The following QKI variants were observed in gnomAD, a reference collection of about 807,000 sequenced individuals.
The protein encoded by QKI is QKI, KH domain containing RNA binding, also known as KH domain-containing RNA-binding protein QKI.
In QKI, 10 loss-of-function variants were observed where a neutral mutation model predicts 39.0. That is an observed-to-expected ratio of 0.26 (90% CI 0.16 to 0.43). QKI has a LOEUF of 0.43. QKI is among the 20% of genes least tolerant of loss of function. QKI has a pLI of 1.00. For missense variants in QKI, 218 were observed against 428.0 expected, an observed-to-expected ratio of 0.51 and a Z score of 4.33; for synonymous variants, 204 against 155.4, an observed-to-expected ratio of 1.31 and a Z score of -2.33.
intron 4 of QKI, among the ~76,000 whole-genome samples, chr6:163,555,687 C>T (rs79067492): frequency 0.043 from 6,563 of 152,158 alleles, 166 homozygotes; most frequent in African/African-American, 0.073. Flanking sequence ...CAAGGTTGCT[C>T]ATGTAAACTG....
chr6:163,424,684 C>G (rs1788273829), intron 1 of QKI, among the ~76,000 whole-genome samples: 1 of 150,892 alleles, frequency 6.6e-6, no homozygotes, highest in East Asian at 1.9e-4. Flanking sequence ...TTCTCTGTTG[C>G]CAAAGCACTG....
At chr6:163,535,931 C>CA (rs973782864) in intron 4 of QKI, among the ~76,000 whole-genome samples, 2 of 151,516 alleles carry the variant, frequency 1.3e-5, no homozygotes, top group Non-Finnish European at 2.9e-5. Flanking sequence ...GACCCTGTCT[C>CA]AAAAAAGAAA....
chr6:163,449,625 A>G (rs1287606352), intron 1 of QKI, among the ~76,000 whole-genome samples: 1 of 152,068 alleles, frequency 6.6e-6, no homozygotes, highest in Admixed American at 6.5e-5. Context: ...TTGGCTTTGA[A>G]TTTTACTTTT....
In QKI at chr6:163,570,774, T is replaced by C; in HGVS notation, c.*64T>C. ...TGACCTGACCATGCCTGCCTGCTGA[T>C]CAGTTAACTGGTAATCGCCTTTGCT... is the stretch of plus-strand genomic sequence containing the variant. On this transcript the variant is annotated 3_prime_UTR_variant, in exon 8 of 8. Transcript: ENST00000361752. The C allele has an allele frequency of 1.3e-6, 2 of 1,598,192 alleles. No individual in the cohort carries two copies. Among genetic ancestry groups the C allele is most frequent in the Non-Finnish European group, 1.7e-6 (2 of 1,170,572 alleles).
chr6:163,570,605 C>T (rs1783647708), intron 7 of QKI, 89 bp from the exon 8 acceptor site: 3 of 1,575,034 alleles, frequency 1.9e-6, no homozygotes, highest in East Asian at 2.3e-5. Flanking sequence ...TTCATGTTGT[C>T]ATTAAGCCGT....
intron 3 of QKI, among the ~76,000 whole-genome samples, chr6:163,482,162 G>A (rs1300538632): frequency 2.0e-5 from 3 of 152,074 alleles, no homozygotes; most frequent in Non-Finnish European, 4.4e-5. Context: ...TCCAGCTTGG[G>A]TGACAGAACG....
Position 163,487,181 on chromosome 6 carries a change from T to G in QKI, c.402+8285T>G, listed in dbSNP as rs1583076454. ...CTGACAAGCTCTAGCATGGATATAGTTTTTTTTTTTTACGTTTTCATTATG... is the reference window on the plus strand; with the variant it reads ...CTGACAAGCTCTAGCATGGATATAGGTTTTTTTTTTTACGTTTTCATTATG... On this transcript the variant is annotated intron_variant, in intron 3 of 7. Coordinates refer to ENST00000361752, the MANE Select transcript of QKI (RefSeq NM_006775.3). 8.5e-4 allele frequency among the ~76,000 whole-genome samples: 6 copies of G among 7,076 alleles called. No homozygotes were observed. In the South Asian group the frequency reaches 0.041, roughly 48 times the overall value. The allele number at this position is 7,076 out of a possible 152,430, so 4.6% of individuals were successfully genotyped here. A position where few individuals can be genotyped will look rare whatever the true frequency, so the allele number is the denominator to read the frequency against.
At chr6:163,444,393 T>C (rs1283234398) in intron 1 of QKI, among the ~76,000 whole-genome samples, 16 of 152,230 alleles carry the variant, frequency 1.1e-4, no homozygotes. Context: ...ATCCAGGTTG[T>C]GTAAACTCAA....
chr6:163,562,585 A>G (rs770274440), intron 5 of QKI, among the ~76,000 whole-genome samples: 2 of 152,094 alleles, frequency 1.3e-5, no homozygotes, highest in South Asian at 2.1e-4. Flanking sequence ...TTTCCGTCCT[A>G]TTTTTGTTTT....
chr6:163,566,825 A>G (rs1466894288), intron 7 of QKI, 30 bp downstream of exon 7: 7 of 1,610,720 alleles, frequency 4.3e-6, no homozygotes, highest in Middle Eastern at 1.7e-4. Context: ...TCTTGTCTAT[A>G]AGAAATGCGT....
rs115552595 is a variant in QKI, at chr6:163,507,720, A to C, written c.403-27262A>C. The stretch of plus-strand genomic sequence containing the variant: ...CCTCAATTGAATCAAGATATTGCCT[A>C]CTACAAAACAAAACGAAAACAAAAC... On this transcript the variant is annotated intron_variant, in intron 3 of 7. Coordinates refer to ENST00000361752, the MANE Select transcript of QKI (RefSeq NM_006775.3). Among the ~76,000 whole-genome samples, 1,249 of 152,304 alleles carry C rather than the reference A, an allele frequency of 8.2e-3. 20 individuals carry two copies. The highest frequency in any genetic ancestry group is 0.029 in the African/African-American group (1,202 of 41,546).
chr6:163,509,163 A>G (rs960198866), intron 3 of QKI, among the ~76,000 whole-genome samples: 11 of 151,920 alleles, frequency 7.2e-5, no homozygotes, highest in African/African-American at 2.7e-4. Flanking sequence ...CAGTCAGTCA[A>G]TCAATCAATG....
chr6:163,481,426 C>T (rs1291055948), intron 3 of QKI, among the ~76,000 whole-genome samples: 1 of 152,056 alleles, frequency 6.6e-6, no homozygotes, highest in African/African-American at 2.4e-5. Flanking sequence ...TATTAATTTC[C>T]TTGGTGTTTG....
In QKI at chr6:163,455,329, A is replaced by C. The variant is rs201147887; in HGVS notation, c.193A>C (p.Thr65Pro). Reference sequence around the variant, plus strand: ...GTACAATGACACATTAAATGGCAGTACAGAGAAAAGGAGTGCAGAATTGCC... The same window carrying C: ...GTACAATGACACATTAAATGGCAGTCCAGAGAAAAGGAGTGCAGAATTGCC... ...DMYNDTLNGS[T>P]EKRSAELPDA... is the part of the protein sequence containing the mutation. Residue 65 changes from threonine to proline, a missense_variant, in exon 2 of 8, where the codon ACA (threonine) becomes CCA (proline). This residue lies in a region of QKI where 61 missense variants were observed against 193.3 expected (regional missense o/e 0.32). Coordinates refer to ENST00000361752, the MANE Select transcript of QKI (RefSeq NM_006775.3). The C allele has an allele frequency of 3.7e-6, 6 of 1,613,434 alleles. No homozygotes were observed. Among genetic ancestry groups the C allele is most frequent in the Non-Finnish European group, 5.1e-6 (6 of 1,179,524 alleles).
chr6:163,474,001 T>A (rs1207923265), intron 2 of QKI, among the ~76,000 whole-genome samples: 3 of 152,196 alleles, frequency 2.0e-5, no homozygotes, highest in Non-Finnish European at 4.4e-5. Flanking sequence ...CATTTGAAGT[T>A]GAAATTGAAT....
At chr6:163,532,572 A>C (rs1341957404) in intron 3 of QKI, among the ~76,000 whole-genome samples, 1 of 152,216 alleles carries the variant, frequency 6.6e-6, no homozygotes, top group Non-Finnish European at 1.5e-5. Context: ...TACTGGAACA[A>C]TGCTTAGATT....
intron 4 of QKI, among the ~76,000 whole-genome samples, chr6:163,539,597 T>C (rs1379107661): frequency 6.6e-6 from 1 of 152,162 alleles, no homozygotes; most frequent in African/African-American, 2.4e-5. Flanking sequence ...TGTCCAGTAG[T>C]GAACATTTCC....
chr6:163,566,112 ATTATG>A (rs1320070841), intron 6 of QKI: 4 of 1,452,196 alleles, frequency 2.8e-6, no homozygotes, highest in Non-Finnish European at 3.6e-6. Flanking sequence ...ATAAAGTAAA[ATTATG>A]TTATTAATTT....
intron 4 of QKI, among the ~76,000 whole-genome samples, chr6:163,550,331 C>G (rs1562534354): frequency 6.6e-6 from 1 of 152,114 alleles, no homozygotes; most frequent in Non-Finnish European, 1.5e-5. Context: ...CTGTAATAAT[C>G]CATTAATCCA....
Sources: allele counts gnomAD v4.1 joint callset (sites outside exome capture counted in the v4.1 genomes callset), GRCh38; gene constraint gnomAD v4.1.1; regional missense constraint gnomAD v4.1.1; transcripts MANE v1.5; gene names NCBI Gene and HGNC (gene_info 2026-07-23, HGNC 2026-07-21).